ABCB1: variants seen among roughly 807,000 people sequenced by gnomAD.
ABCB1 encodes the protein ATP binding cassette subfamily B member 1.
Under a neutral mutation model 142.0 loss-of-function variants are expected in ABCB1, and 69 were observed. That is an observed-to-expected ratio of 0.49 (90% confidence interval 0.40 to 0.59). ABCB1 has a LOEUF of 0.59. ABCB1 is among the 20% of genes least tolerant of loss of function. ABCB1 has a pLI of 0.00. For missense variants in ABCB1, 1,326 were observed against 1,554.7 expected (o/e 0.85, Z 2.47); for synonymous variants, 532 against 539.2 (o/e 0.99, Z 0.18).
intron 1 of ABCB1, among the ~76,000 whole-genome samples, chr7:87,665,214 A>C (rs1200284310): frequency 6.6e-6 from 1 of 152,160 alleles, no homozygotes; most frequent in African/African-American, 2.4e-5. Context: ...ATACCAAAAA[A>C]TGGTTAGAAT....
Position 87,661,244 on chromosome 7 carries a change from A to AT in ABCB1, c.-331+51916dup, listed in dbSNP as rs969845595. Among the ~76,000 whole-genome samples, 5 of 151,842 alleles carry AT rather than the reference A, an allele frequency of 3.3e-5. No homozygotes were observed. The East Asian group carries it at 9.6e-4, about 29-fold the overall frequency. On this transcript the variant is annotated intron_variant, in intron 1 of 28. Transcript: ENST00000265724. The stretch of plus-strand genomic sequence containing the variant: ...AAGGTATCCATCACTTCAAGCATTC[A>AT]TTTTTTTGCATTACAAACAATTCAA...
chr7:87,521,755 C>T (rs1815518622), intron 21 of ABCB1: 5 of 879,834 alleles, frequency 5.7e-6, no homozygotes, highest in African/African-American at 1.6e-5. Context: ...TTCTCAAAGA[C>T]CAGATGCCCA....
intron 3 of ABCB1, among the ~76,000 whole-genome samples, chr7:87,588,276 A>C (rs1818847487): frequency 6.6e-6 from 1 of 151,836 alleles, no homozygotes; most frequent in Non-Finnish European, 1.5e-5. Context: ...TTATTTCATC[A>C]CCCAGCTATT....
chr7:87,539,140 G>T, intron 19 of ABCB1, 128 bp downstream of exon 19: 2 of 1,000,992 alleles, frequency 2.0e-6, no homozygotes, highest in Admixed American at 2.0e-5. Context: ...CATCTCTGAC[G>T]TGAGACTGAG....
intron 1 of ABCB1, among the ~76,000 whole-genome samples, chr7:87,657,481 A>G (rs375485330): frequency 6.6e-5 from 10 of 152,312 alleles, no homozygotes; most frequent in South Asian, 6.2e-4. Context: ...TCCTGAGGCT[A>G]TAACAGTGTC....
intron 21 of ABCB1, among the ~76,000 whole-genome samples, 176 bp downstream of exon 21, chr7:87,531,118 T>C (rs1481499528): frequency 6.6e-6 from 1 of 152,210 alleles, no homozygotes; most frequent in Admixed American, 6.5e-5. Context: ...GTCCAAGAAC[T>C]GGCTTTGCTA....
At chr7:87,656,275 A>G (rs1173966690) in intron 1 of ABCB1, among the ~76,000 whole-genome samples, 3 of 152,084 alleles carry the variant, frequency 2.0e-5, no homozygotes, top group South Asian at 2.1e-4. Flanking sequence ...AATAATTTTT[A>G]AAAAGAAAAA....
Position 87,504,171 on chromosome 7 carries a change from G to C in ABCB1, c.*72C>G. ...CCTCTTCATAATTCTGTAAGTGTTTGCTTTTAACTTTGAATAAATGTCATA... is the reference window on the plus strand; with the variant it reads ...CCTCTTCATAATTCTGTAAGTGTTTCCTTTTAACTTTGAATAAATGTCATA... On this transcript the variant is annotated 3_prime_UTR_variant, in exon 28 of 28. Transcript: ENST00000622132. 6.3e-7 allele frequency: 1 copy of C among 1,582,004 alleles called. No individual in the cohort carries two copies.
chr7:87,626,411 CATAT>C lies in ABCB1; in HGVS notation c.-330-25337_-330-25334del, dbSNP rs10600040. 1.0e-3 allele frequency among the ~76,000 whole-genome samples: 18 copies of C among 18,070 alleles called. 6 individuals are homozygous for C. Among genetic ancestry groups the C allele is most frequent in the African/African-American group, 5.1e-3 (6 of 1,182 alleles). 11.9% of individuals were successfully genotyped at this position (18,070 alleles called of 152,430 possible). A position where few individuals can be genotyped will look rare whatever the true frequency, so the allele number is the denominator to read the frequency against. The stretch of plus-strand genomic sequence containing the variant: ...ATATATATGTGTCATATGTATGTGT[CATAT>C]ATATGTGTCATATGTATGTGTCATA... On this transcript the variant is annotated intron_variant, in intron 1 of 28. Transcript: ENST00000265724.
chr7:87,637,797 C>T lies in ABCB1; in HGVS notation c.-330-36719G>A, dbSNP rs192711702. Among the ~76,000 whole-genome samples, 453 of 152,016 alleles carry T rather than the reference C, an allele frequency of 3.0e-3. 2 individuals are homozygous for T. The highest frequency in any genetic ancestry group is 0.011 in the African/African-American group (437 of 41,506). On this transcript the variant is annotated intron_variant, in intron 1 of 28. Transcript: ENST00000265724. Reference sequence around the variant, plus strand: ...GTCTTACCAGATTTCTTTATTAATTCTAACAGATTTTTTGCAGTTAAAATT... The same window carrying T: ...GTCTTACCAGATTTCTTTATTAATTTTAACAGATTTTTTGCAGTTAAAATT...
intron 1 of ABCB1, among the ~76,000 whole-genome samples, chr7:87,699,307 A>C (rs1056838210): frequency 6.6e-6 from 1 of 152,346 alleles, no homozygotes; most frequent in South Asian, 2.1e-4. Flanking sequence ...GACTAGTCAT[A>C]CTAGACAACT....
intron 26 of ABCB1, among the ~76,000 whole-genome samples, chr7:87,508,873 A>G (rs1814871717): frequency 6.6e-6 from 1 of 152,158 alleles, no homozygotes; most frequent in South Asian, 2.1e-4. Flanking sequence ...GCAGGCCAGA[A>G]GCAGCATGTG....
At chr7:87,505,653 A>G (rs1402153592) in intron 27 of ABCB1, among the ~76,000 whole-genome samples, 1 of 152,200 alleles carries the variant, frequency 6.6e-6, no homozygotes, top group Non-Finnish European at 1.5e-5. Context: ...TCCTGAAAGC[A>G]GCTTCTTAGG....
At chr7:87,533,297 A>G (rs1329814619) in intron 20 of ABCB1, among the ~76,000 whole-genome samples, 1 of 152,100 alleles carries the variant, frequency 6.6e-6, no homozygotes, top group Non-Finnish European at 1.5e-5. Context: ...CTACTGACTT[A>G]TGGGCTTGTG....
At chr7:87,542,379 T>C (rs183571107) in intron 17 of ABCB1, among the ~76,000 whole-genome samples, 4 of 152,326 alleles carry the variant, frequency 2.6e-5, no homozygotes, top group Admixed American at 2.6e-4. Context: ...ATCACGGTTT[T>C]ACACAGATAG....
chr7:87,595,731 A>T (rs1160884544), intron 3 of ABCB1, 35 bp downstream of exon 3: 1 of 1,522,770 alleles, frequency 6.6e-7, no homozygotes, highest in Non-Finnish European at 9.1e-7. Flanking sequence ...CAAATTTCCG[A>T]AGTATTTTGA....
At chr7:87,613,609 C>T (rs148330506) in intron 1 of ABCB1, among the ~76,000 whole-genome samples, 284 of 152,246 alleles carry the variant, frequency 1.9e-3, no homozygotes, top group African/African-American at 6.6e-3. Flanking sequence ...AAACAGAAAA[C>T]TAAGTACCAC....
chr7:87,712,695 C>G (rs28381718), intron 1 of ABCB1, among the ~76,000 whole-genome samples: 4,516 of 152,008 alleles, frequency 0.03, 64 homozygotes, highest in Middle Eastern at 0.045. Flanking sequence ...GTTAACCATG[C>G]TTTTTCATAG....
intron 20 of ABCB1, 39 bp downstream of exon 20, chr7:87,536,419 G>A (rs1302899554): frequency 6.2e-7 from 1 of 1,600,026 alleles, no homozygotes; most frequent in Admixed American, 1.7e-5. Flanking sequence ...GTCCAAAATG[G>A]CCAATTAAGA....
Sources: allele counts gnomAD v4.1 joint callset (sites outside exome capture counted in the v4.1 genomes callset), GRCh38; gene constraint gnomAD v4.1.1; transcripts MANE v1.5; gene names NCBI Gene and HGNC (gene_info 2026-07-23, HGNC 2026-07-21).